ARHGAP6: variants seen among roughly 807,000 people sequenced by gnomAD.
ARHGAP6 encodes rho GTPase-activating protein 6.
In ARHGAP6, 16 loss-of-function variants were observed where a neutral mutation model predicts 55.7. The ratio of observed to expected loss-of-function variants is 0.29; its 90% confidence interval spans 0.19 to 0.44. The LOEUF is 0.44. Ranked by LOEUF, ARHGAP6 falls within the 20% of genes least tolerant of loss-of-function variation. ARHGAP6 has a pLI of 1.00. For synonymous variants in ARHGAP6, 382 were observed against 360.9 expected (o/e 1.06, Z -0.66); for missense variants, 698 against 808.9 (o/e 0.86, Z 1.66).
At chrX:11,479,938 A>C (rs1323262782) in intron 1 of ARHGAP6, among the ~76,000 whole-genome samples, 1 of 111,809 alleles carries the variant, frequency 8.9e-6, no homozygotes, top group Non-Finnish European at 1.9e-5. Context: ...CTTACCTTGA[A>C]ATACACATGC....
intron 1 of ARHGAP6, among the ~76,000 whole-genome samples, chrX:11,590,327 A>G (rs1423595614): frequency 9.0e-6 from 1 of 111,558 alleles, no homozygotes; most frequent in Non-Finnish European, 1.9e-5. Flanking sequence ...GCTCTGTTTT[A>G]TCATCTCCAA....
At chrX:11,620,399 A>G (rs2052214209) in intron 1 of ARHGAP6, among the ~76,000 whole-genome samples, 1 of 112,704 alleles carries the variant, frequency 8.9e-6, no homozygotes, top group African/African-American at 3.2e-5. Context: ...AAATATAACA[A>G]AAGAATACTG....
At chrX:11,556,706 GT>G (rs2051323013) in intron 1 of ARHGAP6, among the ~76,000 whole-genome samples, 1 of 111,977 alleles carries the variant, frequency 8.9e-6, no homozygotes, top group Non-Finnish European at 1.9e-5. Context: ...AGGTTCTAGG[GT>G]GGCCCTTATT....
At chrX:11,583,793 C>G (rs2051692795) in intron 1 of ARHGAP6, among the ~76,000 whole-genome samples, 1 of 111,505 alleles carries the variant, frequency 9.0e-6, no homozygotes, top group Admixed American at 9.6e-5. Context: ...ATGATCATCT[C>G]AAGTAATGCT....
chrX:11,610,574 CATAAACATAT>C (rs1169442499), intron 1 of ARHGAP6, among the ~76,000 whole-genome samples: 1 of 111,978 alleles, frequency 8.9e-6, no homozygotes, highest in African/African-American at 3.3e-5. Context: ...TCTGAAACAT[CATAAACATAT>C]GTAAATATAT....
chrX:11,462,332 CA>C lies in ARHGAP6; in HGVS notation c.588+201908del, dbSNP rs1409084514. Reference sequence around the variant, plus strand: ...TGCCTCATCTCTTCTCCACCCACGACAATGCCCTCTCCATCAAAAAATATCT... The same window carrying C: ...TGCCTCATCTCTTCTCCACCCACGACATGCCCTCTCCATCAAAAAATATCT... On this transcript the variant is annotated intron_variant, in intron 1 of 12. Transcript: ENST00000337414. 3.6e-5 allele frequency among the ~76,000 whole-genome samples: 4 copies of C among 112,111 alleles called. No individual in the cohort carries two copies. In the East Asian group the frequency reaches 1.1e-3, roughly 31 times the overall value.
chrX:11,248,107 G>A (rs1379756006), intron 2 of ARHGAP6, among the ~76,000 whole-genome samples: 2 of 111,879 alleles, frequency 1.8e-5, no homozygotes, highest in East Asian at 5.6e-4. Flanking sequence ...GTTATTCAGT[G>A]TGTACATCTC....
chrX:11,651,120 G>A (rs935973305), intron 1 of ARHGAP6, among the ~76,000 whole-genome samples: 12 of 111,605 alleles, frequency 1.1e-4, no homozygotes, highest in African/African-American at 3.6e-4. Context: ...TAGAGACTGT[G>A]AGTACTAATC....
chrX:11,556,831 TTC>T (rs2051324193), intron 1 of ARHGAP6, among the ~76,000 whole-genome samples: 1 of 111,927 alleles, frequency 8.9e-6, no homozygotes, highest in African/African-American at 3.2e-5. Context: ...ATGTTATATT[TTC>T]TGTTTATGTA....
At chrX:11,575,570 T>G (rs1290469756) in intron 1 of ARHGAP6, among the ~76,000 whole-genome samples, 1 of 111,694 alleles carries the variant, frequency 9.0e-6, no homozygotes, top group African/African-American at 3.3e-5. Context: ...CTACATCTTT[T>G]ACCTGTGATA....
intron 1 of ARHGAP6, among the ~76,000 whole-genome samples, chrX:11,392,169 C>T (rs1603169308): frequency 1.8e-5 from 2 of 112,256 alleles, no homozygotes; most frequent in South Asian, 7.4e-4. Flanking sequence ...AAAGGAAGCT[C>T]AGTTACTCCT....
chrX:11,378,776 C>G (rs2049229852), intron 1 of ARHGAP6, among the ~76,000 whole-genome samples: 1 of 112,448 alleles, frequency 8.9e-6, no homozygotes, highest in African/African-American at 3.2e-5. Flanking sequence ...TCACACAATA[C>G]TATGATTCTT....
At chrX:11,617,350 T>C (rs1007537159) in intron 1 of ARHGAP6, among the ~76,000 whole-genome samples, 7 of 112,037 alleles carry the variant, frequency 6.2e-5, no homozygotes, top group African/African-American at 2.3e-4. Flanking sequence ...CTATAGAGAT[T>C]GCTGCTATAG....
intron 1 of ARHGAP6, among the ~76,000 whole-genome samples, chrX:11,420,788 C>T: frequency 9.0e-6 from 1 of 111,714 alleles, no homozygotes; most frequent in Non-Finnish European, 1.9e-5. Context: ...GCAGATCCCA[C>T]ATCCACACAC....
At chrX:11,469,094 G>A (rs1229839716) in intron 1 of ARHGAP6, among the ~76,000 whole-genome samples, 2 of 112,648 alleles carry the variant, frequency 1.8e-5, no homozygotes, top group Non-Finnish European at 3.8e-5. Flanking sequence ...CCAGAACTGT[G>A]AGAAATAAAT....
intron 1 of ARHGAP6, among the ~76,000 whole-genome samples, chrX:11,332,332 C>A: frequency 8.9e-6 from 1 of 111,889 alleles, no homozygotes; most frequent in Non-Finnish European, 1.9e-5. Flanking sequence ...TAGAGATATA[C>A]ACATATATTC....
At chrX:11,575,715 G>A (rs2051588377) in intron 1 of ARHGAP6, among the ~76,000 whole-genome samples, 2 of 112,104 alleles carry the variant, frequency 1.8e-5, no homozygotes, top group South Asian at 7.4e-4. Flanking sequence ...GAGAGAATTT[G>A]GCAACTTTGA....
chrX:11,625,350 TA>T lies in ARHGAP6; in HGVS notation c.588+38890del, dbSNP rs757853968. On this transcript the variant is annotated intron_variant, in intron 1 of 12. Coordinates refer to ENST00000337414, the MANE Select transcript of ARHGAP6 (RefSeq NM_013427.3). ...TTACGTGTGTGTGTGTTTAATAGAA[TA>T]TTATTCAGTCATAAAAAGGACTGAA... 1.6e-4 allele frequency among the ~76,000 whole-genome samples: 18 copies of T among 110,781 alleles called. No individual in the cohort carries two copies. In the East Asian group the frequency reaches 3.4e-3, roughly 21 times the overall value.
rs1378246411 is a variant in ARHGAP6 at position 11,332,886 on chromosome X, G to A, written c.589-78179C>T. Among the ~76,000 whole-genome samples the A allele has an allele frequency of 8.0e-5, 9 of 111,947 alleles. No homozygotes were observed. The Admixed American group carries it at 8.5e-4, about 11-fold the overall frequency. On this transcript the variant is annotated intron_variant, in intron 1 of 12. Transcript: ENST00000337414. Reference sequence around the variant, plus strand: ...ACCACAATAGTCAGGGCACAGAACAGTTTCATTGCCACAAGGATTCCTCTT... The same window carrying A: ...ACCACAATAGTCAGGGCACAGAACAATTTCATTGCCACAAGGATTCCTCTT...
Sources: allele counts gnomAD v4.1 joint callset (sites outside exome capture counted in the v4.1 genomes callset), GRCh38; gene constraint gnomAD v4.1.1; transcripts MANE v1.5; gene names NCBI Gene and HGNC (gene_info 2026-07-23, HGNC 2026-07-21).